Variants in TFEC observed in about 807,000 individuals in gnomAD.
The protein encoded by TFEC is transcription factor EC, also known as class E basic helix-loop-helix protein 34.
A neutral mutation model predicts 41.6 loss-of-function variants in TFEC; 31 were observed. The ratio of observed to expected loss-of-function variants is 0.74; its 90% CI spans 0.56 to 1.01. The LOEUF is 1.01. Among genes scored for constraint, TFEC ranks in the 50% least tolerant of loss-of-function variants. The pLI is 0.00. For synonymous variants in TFEC, 143 were observed against 140.6 expected (o/e 1.02, Z -0.12); for missense variants, 402 against 404.1 (o/e 0.99, Z 0.04).
chr7:116,135,084 T>C (rs1240416561), intron 1 of TFEC, among the ~76,000 whole-genome samples: 1 of 152,182 alleles, frequency 6.6e-6, no homozygotes, highest in Non-Finnish European at 1.5e-5. Context: ...CCTCCTTTTA[T>C]GCTGTATGTG....
intron 1 of TFEC, among the ~76,000 whole-genome samples, chr7:116,122,069 G>T (rs1350033538): frequency 2.6e-5 from 4 of 152,138 alleles, no homozygotes; most frequent in Middle Eastern, 6.8e-3. Flanking sequence ...GGAGTCTTCA[G>T]ACTTACTGAA....
In TFEC at chr7:116,082,074, A is replaced by G. The variant is rs62475198; in HGVS notation, c.198+28634T>C. On this transcript the variant is annotated intron_variant, in intron 3 of 8. Transcript: ENST00000484212. ...TTCGTTTATACATCTGTCTCCCAAG[A>G]GACTGTGAACTTAGTGATGATAACT... is the stretch of plus-strand genomic sequence containing the variant. Among the ~76,000 whole-genome samples the G allele has an allele frequency of 8.5e-3, 1,287 of 152,144 alleles. 10 individuals are homozygous for G. The highest frequency in any genetic ancestry group is 0.014 in the Non-Finnish European group (924 of 67,958).
In TFEC at chr7:116,015,341, G is replaced by C. The variant is rs111632034; in HGVS notation, c.-73+15292C>G. Among the ~76,000 whole-genome samples the C allele has an allele frequency of 6.6e-3, 1,004 of 152,094 alleles. 9 individuals are homozygous for C. Among genetic ancestry groups the C allele is most frequent in the African/African-American group, 0.023 (946 of 41,514 alleles). On this transcript the variant is annotated intron_variant, in intron 1 of 7. Transcript: ENST00000265440. ...GTTATTAAATGCTCTAATAGTAGAA[G>C]TTATAAAGGAAAAAAGTTCTCTCTT...
At chr7:115,943,224 G>C (rs959830502) in intron 6 of TFEC, among the ~76,000 whole-genome samples, 3 of 151,902 alleles carry the variant, frequency 2.0e-5, no homozygotes, top group Admixed American at 6.6e-5. Flanking sequence ...CCACTCACAG[G>C]GGGTGAGGGG....
intron 3 of TFEC, among the ~76,000 whole-genome samples, chr7:116,051,861 A>G (rs986960343): frequency 6.6e-6 from 1 of 152,044 alleles, no homozygotes; most frequent in South Asian, 2.1e-4. Context: ...TTTTTCAGAT[A>G]ATAAAACTAA....
At chr7:115,992,809 A>C (rs1794184391) in intron 1 of TFEC, among the ~76,000 whole-genome samples, 1 of 152,224 alleles carries the variant, frequency 6.6e-6, no homozygotes, top group South Asian at 2.1e-4. Flanking sequence ...TTCTGAAACT[A>C]TTCCAATCAA....
At chr7:116,152,225 A>G (rs891214749) in intron 1 of TFEC, among the ~76,000 whole-genome samples, 1 of 152,246 alleles carries the variant, frequency 6.6e-6, no homozygotes, top group African/African-American at 2.4e-5. Context: ...CAAAGAAAAC[A>G]TATGAAACAA....
At chr7:116,131,463 A>G (rs1415146288) in intron 1 of TFEC, among the ~76,000 whole-genome samples, 2 of 152,214 alleles carry the variant, frequency 1.3e-5, no homozygotes, top group African/African-American at 2.4e-5. Flanking sequence ...ATGAAAGTTT[A>G]TATCTAGAAT....
chr7:116,089,297 A>G (rs1402977603), intron 3 of TFEC, among the ~76,000 whole-genome samples: 3 of 152,178 alleles, frequency 2.0e-5, no homozygotes, highest in Non-Finnish European at 4.4e-5. Context: ...TAAGGAACAC[A>G]AGGATGAATA....
chr7:115,972,144 T>A (rs936612276), intron 3 of TFEC, among the ~76,000 whole-genome samples: 1 of 152,108 alleles, frequency 6.6e-6, no homozygotes. Context: ...TTGCTACTTT[T>A]CTGCCTTCAT....
intron 1 of TFEC, among the ~76,000 whole-genome samples, chr7:115,994,052 C>T (rs180724509): frequency 6.6e-6 from 1 of 152,256 alleles, no homozygotes; most frequent in East Asian, 1.9e-4. Flanking sequence ...AATAATACCA[C>T]ACATCTACAA....
At chr7:115,989,737 C>G (rs1794022043) in intron 1 of TFEC, among the ~76,000 whole-genome samples, 1 of 152,196 alleles carries the variant, frequency 6.6e-6, no homozygotes, top group Non-Finnish European at 1.5e-5. Context: ...GAAGCTTGAA[C>G]TTGATGGAGT....
intron 3 of TFEC, among the ~76,000 whole-genome samples, chr7:116,046,288 T>G (rs1256585736): frequency 6.6e-6 from 1 of 152,156 alleles, no homozygotes; most frequent in East Asian, 1.9e-4. Flanking sequence ...AAACTTGAAT[T>G]GTATCTCCCC....
chr7:116,081,047 T>C (rs1350395706), intron 3 of TFEC, among the ~76,000 whole-genome samples: 1 of 150,636 alleles, frequency 6.6e-6, no homozygotes, highest in Non-Finnish European at 1.5e-5. Flanking sequence ...TACTCAGCCA[T>C]AAAAATGAAT....
chr7:115,969,830 T>G (rs1398565751), intron 3 of TFEC, among the ~76,000 whole-genome samples: 5 of 151,926 alleles, frequency 3.3e-5, no homozygotes, highest in Admixed American at 6.6e-5. Flanking sequence ...ACCTGTGAGA[T>G]TCTGGAAATC....
rs190412399 is a variant in TFEC at position 116,050,047 on chromosome 7, C to T, written c.198+60661G>A. On this transcript the variant is annotated intron_variant, in intron 3 of 8. Coordinates refer to the TFEC transcript ENST00000484212. The stretch of plus-strand genomic sequence containing the variant: ...AAGCAGGAAAGATCTAAAATTGACA[C>T]CCTAACAACACAATTAAAAGAACTA... Among the ~76,000 whole-genome samples the T allele has an allele frequency of 4.1e-3, 629 of 152,218 alleles. 2 individuals carry two copies. The highest frequency in any genetic ancestry group is 0.015 in the African/African-American group (613 of 41,528).
intron 6 of TFEC, among the ~76,000 whole-genome samples, chr7:115,947,052 C>T (rs1584557744): frequency 6.9e-6 from 1 of 144,678 alleles, no homozygotes; most frequent in African/African-American, 2.5e-5. Flanking sequence ...GTATATCTCC[C>T]AATGCTATCC....
chr7:116,159,483 C>T (rs535958097), intron 1 of TFEC, among the ~76,000 whole-genome samples: 1 of 152,034 alleles, frequency 6.6e-6, no homozygotes, highest in South Asian at 2.1e-4. Context: ...ATATTTGAAA[C>T]CATTTTGCAC....
chr7:116,089,005 TTAA>T (rs1252086701), intron 3 of TFEC, among the ~76,000 whole-genome samples: 1 of 152,080 alleles, frequency 6.6e-6, no homozygotes, highest in African/African-American at 2.4e-5. Context: ...CCTCCTATTA[TTAA>T]TCTCCTTGTG....
Sources: gnomAD v4.1 joint callset for allele counts (sites outside exome capture counted in the v4.1 genomes callset) on GRCh38, gnomAD v4.1.1 for gene constraint, MANE v1.5 for transcripts, NCBI Gene and HGNC (gene_info 2026-07-23, HGNC 2026-07-21) for gene names.